Variants in FHIT observed in about 807,000 individuals in gnomAD.
The protein encoded by FHIT is bis(5'-adenosyl)-triphosphatase.
A neutral mutation model predicts 17.9 loss-of-function variants in FHIT; 19 were observed. That is an observed-to-expected ratio of 1.06 (90% CI 0.74 to 1.56). FHIT has a LOEUF of 1.56. Ranked by LOEUF, FHIT falls within the 40% of genes most tolerant of loss-of-function variation. The pLI is 0.00. For missense variants in FHIT, 248 were observed against 189.2 expected, an observed-to-expected ratio of 1.31 and a Z score of -1.82; for synonymous variants, 81 against 69.7, an observed-to-expected ratio of 1.16 and a Z score of -0.81.
At chr3:60,432,990 G>A (rs951167376) in intron 5 of FHIT, among the ~76,000 whole-genome samples, 2 of 149,174 alleles carry the variant, frequency 1.3e-5, no homozygotes, top group African/African-American at 5.0e-5. Context: ...AGATAATATT[G>A]TTAACTGTAC....
At chr3:60,390,395 C>CAAAAAAAAAAAAAA (rs1701172943) in intron 5 of FHIT, among the ~76,000 whole-genome samples, 1 of 45,092 alleles carries the variant, frequency 2.2e-5, no homozygotes, top group African/African-American at 1.3e-4. Flanking sequence ...TGTAATGGAG[C>CAAAAAAAAAAAAAA]TAAAAAAAAA....
chr3:59,866,578 G>A (rs1434382557), intron 8 of FHIT, among the ~76,000 whole-genome samples: 1 of 152,164 alleles, frequency 6.6e-6, no homozygotes, highest in East Asian at 1.9e-4. Flanking sequence ...TTACCTTCCA[G>A]GACCTGGAAG....
At chr3:60,660,176 A>G (rs1164875633) in intron 4 of FHIT, among the ~76,000 whole-genome samples, 5 of 152,168 alleles carry the variant, frequency 3.3e-5, no homozygotes, top group Non-Finnish European at 7.4e-5. Context: ...AGCCCTTTAA[A>G]TCCCCTGGAA....
intron 2 of FHIT, among the ~76,000 whole-genome samples, chr3:61,084,288 T>C (rs150953965): frequency 1.6e-4 from 24 of 152,246 alleles, no homozygotes; most frequent in Non-Finnish European, 1.2e-4. Flanking sequence ...TTGCTTATCC[T>C]TGTGCAATAC....
At chr3:60,274,816 G>C (rs1423844854) in intron 5 of FHIT, among the ~76,000 whole-genome samples, 1 of 152,116 alleles carries the variant, frequency 6.6e-6, no homozygotes, top group Non-Finnish European at 1.5e-5. Flanking sequence ...TCCCAGCACA[G>C]CCTATGTATT....
intron 4 of FHIT, among the ~76,000 whole-genome samples, chr3:60,576,238 T>A (rs199728953): frequency 2.6e-4 from 39 of 151,754 alleles, no homozygotes; most frequent in East Asian, 7.8e-4. Flanking sequence ...AAAATTTTTT[T>A]AAAAAATACA....
In FHIT at chr3:60,744,286, GAAAGA is replaced by G. The variant is rs1406096092; in HGVS notation, c.-18+77628_-18+77632del. Among the ~76,000 whole-genome samples the G allele has an allele frequency of 1.3e-4, 11 of 87,684 alleles. No homozygotes were observed. The East Asian group carries it at 1.9e-3, about 15-fold the overall frequency. The allele number at this position is 87,684 out of a possible 152,430, so 57.5% of individuals were successfully genotyped here. A position where few individuals can be genotyped will look rare whatever the true frequency, so the allele number is the denominator to read the frequency against. ...AACAAAACAAAAAAAAAAAAAAACA[GAAAGA>G]AAAGAAAAGAAAAAAACCTATATGC... is the stretch of plus-strand genomic sequence containing the variant. On this transcript the variant is annotated intron_variant, in intron 4 of 9. Transcript: ENST00000492590.
chr3:60,264,611 A>C (rs930532557), intron 5 of FHIT, among the ~76,000 whole-genome samples: 1 of 152,018 alleles, frequency 6.6e-6, no homozygotes, highest in Non-Finnish European at 1.5e-5. Flanking sequence ...AGCACAATAG[A>C]GCAAACACTG....
chr3:60,226,643 A>T (rs1416431552), intron 5 of FHIT, among the ~76,000 whole-genome samples: 1 of 152,154 alleles, frequency 6.6e-6, no homozygotes, highest in African/African-American at 2.4e-5. Context: ...GGAAGCATGG[A>T]GGGAAAACAA....
intron 4 of FHIT, among the ~76,000 whole-genome samples, chr3:60,604,714 A>G (rs1171743817): frequency 6.6e-6 from 1 of 152,150 alleles, no homozygotes; most frequent in Non-Finnish European, 1.5e-5. Context: ...TTGGTGTCCT[A>G]AGTGATCAGC....
At chr3:61,084,661 C>T (rs919064522) in intron 2 of FHIT, among the ~76,000 whole-genome samples, 1 of 152,032 alleles carries the variant, frequency 6.6e-6, no homozygotes, top group Non-Finnish European at 1.5e-5. Flanking sequence ...TTTTTAAATA[C>T]ATTTATTGAG....
At position 60,552,637 on chromosome 3, in the gene FHIT, A is replaced by G. The variant is rs115099006; in HGVS notation, c.-17-15658T>C. On this transcript the variant is annotated intron_variant, in intron 4 of 9. Transcript: ENST00000492590. ...CCTTACTCCAGCCTGTTCATTGCCAACTTGGTAAGTATTTATACCTACTCC... is the reference window on the plus strand; with the variant it reads ...CCTTACTCCAGCCTGTTCATTGCCAGCTTGGTAAGTATTTATACCTACTCC... Among the ~76,000 whole-genome samples the G allele has an allele frequency of 4.7e-3, 710 of 152,188 alleles. 7 individuals carry two copies. Among genetic ancestry groups the G allele is most frequent in the African/African-American group, 0.016 (662 of 41,510 alleles).
At chr3:59,992,929 G>A (rs555798744) in intron 7 of FHIT, among the ~76,000 whole-genome samples, 4 of 152,182 alleles carry the variant, frequency 2.6e-5, no homozygotes, top group South Asian at 4.1e-4. Flanking sequence ...TATTCAAACT[G>A]ATGATATTTT....
intron 8 of FHIT, among the ~76,000 whole-genome samples, chr3:59,857,010 C>T (rs78951941): frequency 0.02 from 2,976 of 152,192 alleles, 46 homozygotes; most frequent in Middle Eastern, 0.051. Context: ...CAAAAAGTCA[C>T]GCTAATGTAA....
chr3:60,308,490 G>A (rs1161977008), intron 5 of FHIT, among the ~76,000 whole-genome samples: 1 of 74,990 alleles, frequency 1.3e-5, no homozygotes, highest in African/African-American at 5.8e-5. Context: ...AGGTATAGGT[G>A]TATGTGTATA....
intron 3 of FHIT, among the ~76,000 whole-genome samples, chr3:60,829,722 G>A (rs782216206): frequency 6.6e-6 from 1 of 152,104 alleles, no homozygotes; most frequent in Non-Finnish European, 1.5e-5. Context: ...AAGCTTTCCT[G>A]GTTCAACTTG....
At chr3:61,059,121 A>G (rs1002037393) in intron 2 of FHIT, among the ~76,000 whole-genome samples, 13 of 152,288 alleles carry the variant, frequency 8.5e-5, no homozygotes, top group Non-Finnish European at 1.9e-4. Context: ...CTAAGCTACT[A>G]TTTGTTATGC....
At chr3:61,168,491 T>C (rs1483219185) in intron 2 of FHIT, among the ~76,000 whole-genome samples, 1 of 152,170 alleles carries the variant, frequency 6.6e-6, no homozygotes, top group Non-Finnish European at 1.5e-5. Flanking sequence ...CACCTGAAGG[T>C]TTCATTTTTC....
intron 8 of FHIT, among the ~76,000 whole-genome samples, chr3:59,834,370 T>C (rs1051926853): frequency 1.1e-4 from 16 of 152,066 alleles, no homozygotes; most frequent in African/African-American, 2.7e-4. Flanking sequence ...ATTAGCTAAA[T>C]AGACAGACAG....
Sources: gnomAD v4.1 joint callset for allele counts (sites outside exome capture counted in the v4.1 genomes callset) on GRCh38, gnomAD v4.1.1 for gene constraint, MANE v1.5 for transcripts, NCBI Gene and HGNC (gene_info 2026-07-23, HGNC 2026-07-21) for gene names.